Variants in KSR2 observed in about 807,000 individuals in gnomAD.
The protein encoded by KSR2 is kinase suppressor of ras 2.
KSR2 carries 25 observed loss-of-function variants against 107.8 expected under a neutral mutation model. The ratio of observed to expected loss-of-function variants is 0.23; its 90% CI spans 0.17 to 0.32. KSR2 has a LOEUF of 0.32. Ranked by LOEUF, KSR2 falls within the 10% of genes least tolerant of loss-of-function variation. The pLI is 1.00. For missense variants in KSR2, 887 were observed against 1,268.9 expected, an observed-to-expected ratio of 0.70 and a Z score of 4.57; for synonymous variants, 480 against 507.0, an observed-to-expected ratio of 0.95 and a Z score of 0.71.
chr12:117,967,457 G>A (rs1017201428), intron 1 of KSR2, among the ~76,000 whole-genome samples: 4 of 152,084 alleles, frequency 2.6e-5, no homozygotes. Context: ...CAAAACGATT[G>A]GATTGGAAAT....
chr12:117,650,131 G>A, intron 5 of KSR2, among the ~76,000 whole-genome samples: 1 of 152,198 alleles, frequency 6.6e-6, no homozygotes, highest in East Asian at 1.9e-4. Context: ...GCTGGGGAAA[G>A]CAGATCCACC....
chr12:117,939,289 T>C (rs907778103), intron 1 of KSR2, among the ~76,000 whole-genome samples: 4 of 152,220 alleles, frequency 2.6e-5, no homozygotes, highest in Admixed American at 2.6e-4. Context: ...GCAATAATGG[T>C]TTGGGAATTG....
At chr12:117,752,754 C>A (rs528204045) in intron 4 of KSR2, among the ~76,000 whole-genome samples, 11 of 152,304 alleles carry the variant, frequency 7.2e-5, no homozygotes, top group African/African-American at 2.6e-4. Flanking sequence ...TAATACTGAG[C>A]TTCTCCTGCA....
intron 4 of KSR2, among the ~76,000 whole-genome samples, chr12:117,730,509 G>T (rs376277257): frequency 6.8e-6 from 1 of 147,878 alleles, no homozygotes; most frequent in Non-Finnish European, 1.5e-5. Context: ...CCCCTTCCAC[G>T]GTCTCCCTCT....
At chr12:117,536,965 C>A (rs112005536) in intron 10 of KSR2, among the ~76,000 whole-genome samples, 1 of 152,224 alleles carries the variant, frequency 6.6e-6, no homozygotes, top group African/African-American at 2.4e-5. Flanking sequence ...GTAATCCCAG[C>A]ACTTTGGGAG....
chr12:117,608,139 C>A (rs139936022), intron 5 of KSR2, among the ~76,000 whole-genome samples: 2,011 of 152,310 alleles, frequency 0.013, 19 homozygotes, highest in Middle Eastern at 0.054. Flanking sequence ...AAACAGGGAA[C>A]AGTACTTAAC....
intron 1 of KSR2, among the ~76,000 whole-genome samples, chr12:117,940,459 T>C (rs1432166700): frequency 1.3e-5 from 2 of 152,206 alleles, no homozygotes; most frequent in Non-Finnish European, 2.9e-5. Flanking sequence ...GATTGTGAGG[T>C]ACATGAACTT....
intron 5 of KSR2, among the ~76,000 whole-genome samples, chr12:117,664,329 G>A (rs1029421499): frequency 1.3e-5 from 2 of 152,158 alleles, no homozygotes; most frequent in Non-Finnish European, 2.9e-5. Context: ...ACAAGATGAC[G>A]TGTCACCACC....
At chr12:117,920,314 G>A (rs1373371147) in intron 1 of KSR2, among the ~76,000 whole-genome samples, 1 of 151,560 alleles carries the variant, frequency 6.6e-6, no homozygotes, top group Non-Finnish European at 1.5e-5. Flanking sequence ...TGCCCAGGCT[G>A]GTCTCGAACT....
chr12:117,863,687 C>T (rs949562547), intron 1 of KSR2, among the ~76,000 whole-genome samples: 4 of 152,146 alleles, frequency 2.6e-5, no homozygotes, highest in African/African-American at 9.7e-5. Flanking sequence ...ATACTGATCT[C>T]GCAGTTCTGG....
chr12:117,569,738 C>A (rs1036137960), intron 7 of KSR2, among the ~76,000 whole-genome samples: 2 of 152,122 alleles, frequency 1.3e-5, no homozygotes, highest in African/African-American at 4.8e-5. Context: ...TTGATCACCC[C>A]CTTGTATAAT....
chr12:117,730,263 C>G (rs1565983062), intron 4 of KSR2, among the ~76,000 whole-genome samples: 1 of 152,180 alleles, frequency 6.6e-6, no homozygotes, highest in Non-Finnish European at 1.5e-5. Flanking sequence ...TGTAATCCTC[C>G]ATACCTCAGT....
intron 3 of KSR2, among the ~76,000 whole-genome samples, chr12:117,762,254 A>AAAT (rs1228525441): frequency 2.0e-5 from 3 of 152,350 alleles, no homozygotes; most frequent in Non-Finnish European, 4.4e-5. Context: ...TTTAATACCT[A>AAAT]ACCCTCATGT....
intron 3 of KSR2, among the ~76,000 whole-genome samples, chr12:117,762,237 T>C (rs925434253): frequency 1.3e-5 from 2 of 152,242 alleles, no homozygotes; most frequent in African/African-American, 4.8e-5. Flanking sequence ...TTCCCTTACA[T>C]GGAAATTTTA....
chr12:117,601,832 C>T (rs1046298463), intron 5 of KSR2, among the ~76,000 whole-genome samples: 1 of 152,216 alleles, frequency 6.6e-6, no homozygotes, highest in Non-Finnish European at 1.5e-5. Context: ...CAGACAAGAG[C>T]CTGCCAACCT....
chr12:117,855,421 T>G lies in KSR2; in HGVS notation c.472+7A>C. On this transcript the variant is annotated splice_region_variant and intron_variant, in intron 3 of 19. Transcript: ENST00000339824. The stretch of plus-strand genomic sequence containing the variant: ...TCTCCACATCCCCGACCCCGGGGCC[T>G]GCTCACCTGACATGTGGACATTCCT... 6.2e-7 allele frequency: 1 copy of G among 1,614,040 alleles called. No homozygotes were observed. The highest frequency in any genetic ancestry group is 8.5e-7 in the Non-Finnish European group (1 of 1,179,900).
intron 10 of KSR2, among the ~76,000 whole-genome samples, chr12:117,535,503 TGGCCCAAGTGA>T (rs1282905364): frequency 1.3e-5 from 2 of 152,150 alleles, no homozygotes; most frequent in Non-Finnish European, 2.9e-5. Flanking sequence ...TGAGCCCACA[TGGCCCAAGTGA>T]GGTCTCAGAA....
intron 4 of KSR2, among the ~76,000 whole-genome samples, chr12:117,737,303 G>T (rs571798338): frequency 2.0e-5 from 3 of 152,122 alleles, no homozygotes; most frequent in African/African-American, 7.2e-5. Flanking sequence ...AGTGAGATTT[G>T]CTTCAGCCTC....
intron 5 of KSR2, among the ~76,000 whole-genome samples, chr12:117,644,667 T>C (rs570469333): frequency 6.6e-6 from 1 of 152,132 alleles, no homozygotes; most frequent in Non-Finnish European, 1.5e-5. Context: ...AGAAAGCCCA[T>C]GGTGAAAGTG....
Sources: allele counts gnomAD v4.1 joint callset (sites outside exome capture counted in the v4.1 genomes callset), GRCh38; gene constraint gnomAD v4.1.1; transcripts MANE v1.5; gene names NCBI Gene and HGNC (gene_info 2026-07-23, HGNC 2026-07-21).